Variants in DNAJC12 observed in about 807,000 individuals in gnomAD.
The protein encoded by DNAJC12 is dnaJ homolog subfamily C member 12.
A neutral mutation model predicts 28.5 loss-of-function variants in DNAJC12; 25 were observed. The observed-to-expected ratio is 0.88, with a 90% CI of 0.64 to 1.22. The LOEUF is 1.22. DNAJC12 is among the 50% of genes most tolerant of loss of function. The pLI, the probability that DNAJC12 is intolerant of heterozygous loss-of-function variation, is 0.00. For missense variants in DNAJC12, 222 were observed against 231.7 expected (o/e 0.96, Z 0.27); for synonymous variants, 77 against 80.6 (o/e 0.95, Z 0.24).
Position 67,833,823 on chromosome 10 carries a change from T to C in DNAJC12, c.78+4111A>G, listed in dbSNP as rs140113827. The stretch of plus-strand genomic sequence containing the variant: ...TGCTGCTGCAGGATTTGCAGGCCAT[T>C]ATGTTTTGCAAGCCATGGAGCACAT... On this transcript the variant is annotated intron_variant, in intron 1 of 4. Transcript: ENST00000225171. The C allele has an allele frequency of 1.8e-4, 89 of 503,192 alleles. No individual in the cohort carries two copies. In the East Asian group the frequency reaches 4.6e-3, roughly 26 times the overall value. 31.2% of individuals were successfully genotyped at this position (503,192 alleles called of 1,614,324 possible). A position where few individuals can be genotyped will look rare whatever the true frequency, so the allele number is the denominator to read the frequency against.
chr10:67,810,584 G>T (rs2131796560), intron 3 of DNAJC12, among the ~76,000 whole-genome samples: 1 of 152,244 alleles, frequency 6.6e-6, no homozygotes, highest in East Asian at 1.9e-4. Flanking sequence ...AGAAACACAG[G>T]GTTGATGGTG....
At chr10:67,801,325 C>T (rs924259752) in intron 4 of DNAJC12, among the ~76,000 whole-genome samples, 1 of 152,156 alleles carries the variant, frequency 6.6e-6, no homozygotes, top group African/African-American at 2.4e-5. Context: ...AAAATTTACG[C>T]TGCAGTAAAA....
chr10:67,811,369 C>T lies in DNAJC12; in HGVS notation c.297+155G>A, dbSNP rs1437741529. On this transcript the variant is annotated intron_variant, in intron 3 of 4. Transcript: ENST00000225171. ...GCCTTTATTCTGATGAGCTTCTCTT[C>T]ATGGGATTTACGGACACTGAATTAT... is the stretch of plus-strand genomic sequence containing the variant. 4.1e-5 allele frequency: 61 copies of T among 1,484,356 alleles called. No homozygotes were observed. In the South Asian group the frequency reaches 7.2e-4, roughly 17 times the overall value. The allele number at this position is 1,484,356 out of a possible 1,614,324, so 91.9% of individuals were successfully genotyped here.
At position 67,811,356 on chromosome 10, in the gene DNAJC12, A is replaced by C. The variant is rs1397122445; in HGVS notation, c.297+168T>G. 8.2e-6 allele frequency: 12 copies of C among 1,463,724 alleles called. No homozygotes were observed. In the East Asian group the frequency reaches 2.6e-4, roughly 32 times the overall value. The allele number at this position is 1,463,724 out of a possible 1,614,324, so 90.7% of individuals were successfully genotyped here. A position where few individuals can be genotyped will look rare whatever the true frequency, so the allele number is the denominator to read the frequency against. ...GCACAAATTCATTGCCTTTATTCTG[A>C]TGAGCTTCTCTTCATGGGATTTACG... On this transcript the variant is annotated intron_variant, in intron 3 of 4. Coordinates refer to ENST00000225171, the MANE Select transcript of DNAJC12 (RefSeq NM_021800.3).
chr10:67,817,417 G>A (rs1841926811), intron 2 of DNAJC12, among the ~76,000 whole-genome samples: 1 of 152,124 alleles, frequency 6.6e-6, no homozygotes, highest in Non-Finnish European at 1.5e-5. Flanking sequence ...GGCAACAGTT[G>A]AGACTATATT....
chr10:67,819,779 G>GGAGGGGAAGGAAGGAA (rs1841964688), intron 2 of DNAJC12, among the ~76,000 whole-genome samples: 5 of 13,390 alleles, frequency 3.7e-4, no homozygotes, highest in East Asian at 1.8e-3. Flanking sequence ...AGGAAGGAAG[G>GGAGGGGAAGGAAGGAA]GGAAGGAAGG....
intron 4 of DNAJC12, among the ~76,000 whole-genome samples, chr10:67,798,814 G>T (rs1841707128): frequency 6.8e-6 from 1 of 147,482 alleles, no homozygotes; most frequent in Non-Finnish European, 1.5e-5. Context: ...TGCCCAGGCT[G>T]GAGTGCAATG....
intron 4 of DNAJC12, among the ~76,000 whole-genome samples, chr10:67,802,761 A>G (rs1190580587): frequency 6.6e-6 from 1 of 152,210 alleles, no homozygotes; most frequent in Admixed American, 6.5e-5. Context: ...TCTTAATAAT[A>G]AAAGTTAACA....
intron 2 of DNAJC12, among the ~76,000 whole-genome samples, chr10:67,812,222 G>A (rs1438339787): frequency 6.6e-6 from 1 of 152,090 alleles, no homozygotes; most frequent in Non-Finnish European, 1.5e-5. Flanking sequence ...TGACTTAGAG[G>A]AAGTAGTAAT....
chr10:67,805,384 C>G (rs965718732), intron 4 of DNAJC12, among the ~76,000 whole-genome samples, 199 bp downstream of exon 4: 3 of 152,216 alleles, frequency 2.0e-5, no homozygotes, highest in Admixed American at 2.0e-4. Flanking sequence ...GCCAAAGACA[C>G]TGAGAATTGT....
At chr10:67,808,324 G>A (rs1351866786) in intron 3 of DNAJC12, among the ~76,000 whole-genome samples, 1 of 152,122 alleles carries the variant, frequency 6.6e-6, no homozygotes, top group African/African-American at 2.4e-5. Context: ...AGGAACTAAC[G>A]CTAAACAGAC....
chr10:67,823,669 C>T (rs991562105), intron 1 of DNAJC12, among the ~76,000 whole-genome samples: 2 of 150,978 alleles, frequency 1.3e-5, no homozygotes, highest in African/African-American at 2.4e-5. Context: ...CCGCTGCACT[C>T]CTGCCTGGGT....
intron 1 of DNAJC12, 50 bp downstream of exon 1, chr10:67,837,884 T>G: frequency 7.4e-7 from 1 of 1,355,434 alleles, no homozygotes; most frequent in Non-Finnish European, 1.0e-6. Flanking sequence ...CTTGAAATAC[T>G]ATTGTGAAAA....
intron 2 of DNAJC12, among the ~76,000 whole-genome samples, 190 bp from the exon 3 acceptor site, chr10:67,811,853 G>A (rs998242029): frequency 5.9e-5 from 9 of 152,090 alleles, no homozygotes; most frequent in African/African-American, 1.7e-4. Flanking sequence ...TAAAGTGCTC[G>A]GCACAGTTTA....
intron 1 of DNAJC12, among the ~76,000 whole-genome samples, chr10:67,826,971 G>GAT (rs894696260): frequency 1.1e-4 from 16 of 140,486 alleles, no homozygotes; most frequent in Admixed American, 3.0e-4. Flanking sequence ...TATATATCAT[G>GAT]ATATATTATA....
chr10:67,830,659 T>G (rs1297213286), intron 1 of DNAJC12, among the ~76,000 whole-genome samples: 1 of 143,298 alleles, frequency 7.0e-6, no homozygotes, highest in East Asian at 2.1e-4. Context: ...ATAAATAAAT[T>G]TTTTGATACT....
intron 2 of DNAJC12, among the ~76,000 whole-genome samples, chr10:67,816,870 T>C (rs1841921899): frequency 6.6e-6 from 1 of 152,096 alleles, no homozygotes; most frequent in South Asian, 2.1e-4. Flanking sequence ...TTCATGGCCA[T>C]GGAGAAGTTA....
intron 2 of DNAJC12, among the ~76,000 whole-genome samples, chr10:67,818,446 A>C (rs1841937342): frequency 6.6e-6 from 1 of 152,138 alleles, no homozygotes; most frequent in Non-Finnish European, 1.5e-5. Flanking sequence ...TGTTTCTCTG[A>C]ACAAGACGCC....
At chr10:67,819,250 G>A (rs1841946863) in intron 2 of DNAJC12, among the ~76,000 whole-genome samples, 2 of 150,614 alleles carry the variant, frequency 1.3e-5, no homozygotes, top group African/African-American at 4.9e-5. Flanking sequence ...GGAGAATGGC[G>A]TAAACCCGGG....
Sources: allele counts gnomAD v4.1 joint callset (sites outside exome capture counted in the v4.1 genomes callset), GRCh38; gene constraint gnomAD v4.1.1; transcripts MANE v1.5; gene names NCBI Gene and HGNC (gene_info 2026-07-23, HGNC 2026-07-21).